The following PCSK5 variants were observed in gnomAD, a reference collection of about 807,000 sequenced individuals.
PCSK5 encodes the protein prohormone convertase 5.
PCSK5 carries 129 observed loss-of-function variants against 233.2 expected under a neutral mutation model. That is an observed-to-expected ratio of 0.55 (90% CI 0.48 to 0.64). The LOEUF is 0.64. Ranked by LOEUF, PCSK5 falls within the 30% of genes least tolerant of loss-of-function variation. The pLI, the probability that PCSK5 is intolerant of heterozygous loss-of-function variation, is 0.00. For synonymous variants in PCSK5, 825 were observed against 879.2 expected (o/e 0.94, Z 1.09); for missense variants, 2,076 against 2,430.1 (o/e 0.85, Z 3.06).
intron 10 of PCSK5, among the ~76,000 whole-genome samples, chr9:76,137,100 T>TA (rs1343300445): frequency 1.3e-5 from 2 of 152,118 alleles, no homozygotes. Context: ...GATCCATTCT[T>TA]ACCCACATGT....
intron 3 of PCSK5, among the ~76,000 whole-genome samples, chr9:76,006,422 A>G (rs2131441581): frequency 6.6e-6 from 1 of 152,210 alleles, no homozygotes; most frequent in East Asian, 1.9e-4. Context: ...TTGTATTATT[A>G]TTTTAATGAT....
At chr9:76,237,613 CAAA>C (rs773927138) in intron 22 of PCSK5, among the ~76,000 whole-genome samples, 1 of 128,358 alleles carries the variant, frequency 7.8e-6, no homozygotes, top group African/African-American at 2.9e-5. Flanking sequence ...ACAAAACATA[CAAA>C]AAAAAAAAAA....
chr9:76,190,472 C>A (rs999696323), intron 20 of PCSK5, among the ~76,000 whole-genome samples: 2 of 152,036 alleles, frequency 1.3e-5, no homozygotes, highest in Admixed American at 1.3e-4. Flanking sequence ...ATACCATGCA[C>A]ATAGAGTTTT....
At chr9:76,107,160 C>A (rs566664590) in intron 8 of PCSK5, 91 bp from the exon 9 acceptor site, 11 of 675,090 alleles carry the variant, frequency 1.6e-5, no homozygotes, top group Non-Finnish European at 2.8e-5. Context: ...TTAACATATA[C>A]CCCCATTCTA....
At chr9:76,246,412 C>G (rs1286436574) in intron 24 of PCSK5, among the ~76,000 whole-genome samples, 1 of 144,234 alleles carries the variant, frequency 6.9e-6, no homozygotes, top group East Asian at 2.1e-4. Flanking sequence ...GGCAAAAATT[C>G]AAAAGCTTAC....
chr9:76,021,246 C>T (rs965758398), intron 3 of PCSK5, among the ~76,000 whole-genome samples: 2 of 152,140 alleles, frequency 1.3e-5, no homozygotes, highest in Non-Finnish European at 1.5e-5. Context: ...ACAAAATTCA[C>T]ACCCAAGATT....
intron 7 of PCSK5, among the ~76,000 whole-genome samples, chr9:76,088,930 ATTTTTTTT>A (rs5898449): frequency 7.1e-6 from 1 of 140,150 alleles, no homozygotes; most frequent in African/African-American, 2.6e-5. Context: ...AGGTTTTTTA[ATTTTTTTT>A]TTTTTTTTTT....
At chr9:76,126,448 T>C (rs1832857234) in intron 9 of PCSK5, among the ~76,000 whole-genome samples, 1 of 152,106 alleles carries the variant, frequency 6.6e-6, no homozygotes, top group Non-Finnish European at 1.5e-5. Flanking sequence ...ATCCCGTCTC[T>C]ACTAAAAATA....
chr9:76,005,795 C>CA (rs1296113017), intron 3 of PCSK5, among the ~76,000 whole-genome samples: 2 of 152,138 alleles, frequency 1.3e-5, no homozygotes, highest in African/African-American at 4.8e-5. Flanking sequence ...ACATTCTCAT[C>CA]AACCATGTTT....
intron 20 of PCSK5, among the ~76,000 whole-genome samples, chr9:76,207,130 T>A (rs1296565353): frequency 1.3e-5 from 2 of 152,306 alleles, no homozygotes; most frequent in East Asian, 3.9e-4. Flanking sequence ...TTTCCTCTTC[T>A]AAGAACACTT....
At chr9:76,156,730 T>C (rs1309982163) in intron 10 of PCSK5, among the ~76,000 whole-genome samples, 9 of 152,192 alleles carry the variant, frequency 5.9e-5, no homozygotes, top group Non-Finnish European at 1.5e-5. Context: ...TAATGAATGA[T>C]GATATAATAA....
chr9:76,263,449 T>C lies in PCSK5; in HGVS notation c.3142+22765T>C, dbSNP rs1305512279. Among the ~76,000 whole-genome samples the C allele has an allele frequency of 3.9e-5, 6 of 152,086 alleles. No individual in the cohort carries two copies. The East Asian group carries it at 9.6e-4, about 24-fold the overall frequency. ...TACACCACGGAATACTATAAAGCCA[T>C]AAAAAATGACGAGTTCGTGTCCTTT... On this transcript the variant is annotated intron_variant, in intron 24 of 37. Transcript: ENST00000674117.
chr9:76,052,275 A>G (rs73452601), intron 5 of PCSK5, among the ~76,000 whole-genome samples: 219 of 152,342 alleles, frequency 1.4e-3, no homozygotes, highest in African/African-American at 5.0e-3. Flanking sequence ...ATATACATAC[A>G]TAAACCCTGT....
chr9:76,050,426 T>C (rs965026920), intron 5 of PCSK5, among the ~76,000 whole-genome samples: 1 of 152,222 alleles, frequency 6.6e-6, no homozygotes, highest in Non-Finnish European at 1.5e-5. Flanking sequence ...TCATTCTCTT[T>C]ATAGATCTTT....
rs1587715951 is a variant in PCSK5, at chr9:76,173,495, C to CTTTTTTT, written c.1757-1491_1757-1490insTTTTTTT. ...ACTTTAATGAAATGGAGGCACGTTT[C>CTTTTTTT]CTTTTTTTTTTTTTTTTTTTTTTTT... On this transcript the variant is annotated intron_variant, in intron 13 of 37. Coordinates refer to ENST00000674117, the MANE Select transcript of PCSK5 (RefSeq NM_001372043.1). Among the ~76,000 whole-genome samples the CTTTTTTT allele has an allele frequency of 1.2e-3, 40 of 34,590 alleles. 4 individuals carry two copies. Among genetic ancestry groups the CTTTTTTT allele is most frequent in the East Asian group, 5.3e-3 (6 of 1,130 alleles). The allele number at this position is 34,590 out of a possible 152,430, so 22.7% of individuals were successfully genotyped here.
At position 76,181,416 on chromosome 9, in the gene PCSK5, C is replaced by T. The variant is rs765450024; in HGVS notation, c.2022C>T (p.Cys674=). ...AATGCAGGATCTGTGTCTCCAGCTG[C>T]CCCCCTGGCCACTACCACGCCGACA... ...KNNTRICVSS[C]PPGHYHADKK... Residue 674 remains cysteine (C), a synonymous_variant, in exon 16 of 38, where the codon TGC becomes TGT. Coordinates refer to ENST00000674117, the MANE Select transcript of PCSK5 (RefSeq NM_001372043.1). The T allele has an allele frequency of 1.9e-6, 3 of 1,611,840 alleles. No homozygotes were observed. The highest frequency in any genetic ancestry group is 2.2e-5 in the South Asian group (2 of 90,740).
chr9:75,965,375 G>A (rs908113326), intron 2 of PCSK5, among the ~76,000 whole-genome samples: 3 of 152,018 alleles, frequency 2.0e-5, no homozygotes, highest in East Asian at 1.9e-4. Flanking sequence ...CACGATTTGC[G>A]TCTGCAAGCC....
chr9:75,906,910 T>A (rs1460771796), intron 1 of PCSK5, among the ~76,000 whole-genome samples: 3 of 152,230 alleles, frequency 2.0e-5, no homozygotes, highest in African/African-American at 7.2e-5. Flanking sequence ...GCTTTCCTGT[T>A]GCTCTGTCAG....
chr9:76,350,097 G>T (rs1463604956), intron 35 of PCSK5, among the ~76,000 whole-genome samples: 1 of 125,940 alleles, frequency 7.9e-6, no homozygotes, highest in Admixed American at 9.2e-5. Flanking sequence ...GGACAACATA[G>T]CAAGACCCCA....
Sources: allele counts gnomAD v4.1 joint callset (sites outside exome capture counted in the v4.1 genomes callset), GRCh38; gene constraint gnomAD v4.1.1; transcripts MANE v1.5; gene names NCBI Gene and HGNC (gene_info 2026-07-23, HGNC 2026-07-21).